NBEA: variants seen among roughly 807,000 people sequenced by gnomAD.
NBEA encodes the protein neurobeachin.
Under a neutral mutation model 343.4 loss-of-function variants are expected in NBEA, and 44 were observed. That is an observed-to-expected ratio of 0.13 (90% confidence interval 0.10 to 0.16). The LOEUF (loss-of-function observed/expected upper bound fraction) is 0.16, where lower values mean the gene tolerates loss of function less well. Ranked by LOEUF, NBEA falls within the 10% of genes least tolerant of loss-of-function variation. The pLI, the probability that NBEA is intolerant of heterozygous loss-of-function variation, is 1.00. For missense variants in NBEA, 2,555 were observed against 3,631.3 expected (o/e 0.70, Z 7.62); for synonymous variants, 1,175 against 1,238.7 (o/e 0.95, Z 1.08).
intron 31 of NBEA, 92 bp downstream of exon 31, chr13:35,196,394 T>TTTA: frequency 8.4e-7 from 1 of 1,189,952 alleles, no homozygotes; most frequent in Non-Finnish European, 1.1e-6. Context: ...TCTTGAAAAC[T>TTTA]TTATTAACGT....
intron 39 of NBEA, among the ~76,000 whole-genome samples, chr13:35,447,870 G>A (rs2046126867): frequency 6.6e-6 from 1 of 152,094 alleles, no homozygotes; most frequent in Admixed American, 6.6e-5. Flanking sequence ...TTGATTTGTT[G>A]GGTGTTAAAC....
chr13:35,013,585 C>T (rs187754050), intron 1 of NBEA, among the ~76,000 whole-genome samples: 1 of 151,974 alleles, frequency 6.6e-6, no homozygotes, highest in African/African-American at 2.4e-5. Flanking sequence ...ATTCTCCTGC[C>T]TCTGCCTCCC....
chr13:35,535,355 GACAGAACACGCAAA>G (rs2153001102), intron 41 of NBEA, among the ~76,000 whole-genome samples: 1 of 152,266 alleles, frequency 6.6e-6, no homozygotes, highest in South Asian at 2.1e-4. Context: ...AAATGCAGAA[GACAGAACACGCAAA>G]ACCGTTTAGT....
intron 10 of NBEA, among the ~76,000 whole-genome samples, chr13:35,078,421 G>C: frequency 6.6e-6 from 1 of 152,134 alleles, no homozygotes; most frequent in South Asian, 2.1e-4. Context: ...GATTAGCTGT[G>C]ATATGGAATA....
At chr13:35,604,435 G>A (rs916736510) in intron 47 of NBEA, among the ~76,000 whole-genome samples, 7 of 151,780 alleles carry the variant, frequency 4.6e-5, no homozygotes, top group African/African-American at 1.7e-4. Flanking sequence ...TAGCTCTGTT[G>A]TAGATTTCCC....
chr13:35,405,068 A>G (rs2043204948), intron 38 of NBEA, among the ~76,000 whole-genome samples: 1 of 152,182 alleles, frequency 6.6e-6, no homozygotes, highest in African/African-American at 2.4e-5. Context: ...TTACTTCAAT[A>G]TTTCTGTCAT....
chr13:35,211,625 G>A (rs2073779046), intron 33 of NBEA, among the ~76,000 whole-genome samples: 4 of 152,158 alleles, frequency 2.6e-5, no homozygotes, highest in Admixed American at 2.0e-4. Context: ...GACCAGCCTG[G>A]AAAACATGGT....
intron 34 of NBEA, among the ~76,000 whole-genome samples, chr13:35,289,414 A>G (rs764202801): frequency 8.6e-5 from 13 of 151,898 alleles, no homozygotes; most frequent in Non-Finnish European, 1.6e-4. Context: ...TAAATTACCA[A>G]ACATCATAAT....
intron 41 of NBEA, among the ~76,000 whole-genome samples, chr13:35,544,286 C>T (rs1444175291): frequency 2.6e-5 from 4 of 151,842 alleles, no homozygotes; most frequent in Middle Eastern, 6.8e-3. Context: ...AGATTTTTTT[C>T]GTATTCAAAG....
At chr13:35,356,069 G>A (rs1382059380) in intron 38 of NBEA, among the ~76,000 whole-genome samples, 1 of 151,924 alleles carries the variant, frequency 6.6e-6, no homozygotes, top group Non-Finnish European at 1.5e-5. Flanking sequence ...TGCATAGTAG[G>A]TACCAAAAAA....
intron 38 of NBEA, among the ~76,000 whole-genome samples, chr13:35,412,800 C>T (rs951303939): frequency 4.1e-4 from 63 of 152,050 alleles, no homozygotes; most frequent in African/African-American, 1.4e-3. Flanking sequence ...CAGTTAGAAG[C>T]GGTGCAGCAT....
At position 35,482,625 on chromosome 13, in the gene NBEA, A is replaced by T. The variant is rs1168966547; in HGVS notation, c.6585+10089A>T. The stretch of plus-strand genomic sequence containing the variant: ...GTAAGATGTAGTGGTGTTCCTGATT[A>T]AAAAAAAAAAAGTGGGAACCTAGTG... On this transcript the variant is annotated intron_variant, in intron 41 of 58. Coordinates refer to ENST00000379939, the MANE Select transcript of NBEA (RefSeq NM_001385012.1). Among the ~76,000 whole-genome samples, 7 of 144,514 alleles carry T rather than the reference A, an allele frequency of 4.8e-5. No individual in the cohort carries two copies. In the East Asian group the frequency reaches 6.0e-4, roughly 12 times the overall value. 94.8% of individuals were successfully genotyped at this position (144,514 alleles called of 152,430 possible).
At chr13:35,080,268 TGAG>T (rs1290168400) in intron 10 of NBEA, among the ~76,000 whole-genome samples, 2 of 152,198 alleles carry the variant, frequency 1.3e-5, no homozygotes, top group Non-Finnish European at 2.9e-5. Context: ...TTGATATCAT[TGAG>T]GATCTCTCCC....
intron 1 of NBEA, among the ~76,000 whole-genome samples, chr13:35,029,105 ACAATTTTCT>A (rs2062112804): frequency 6.6e-6 from 1 of 151,338 alleles, no homozygotes; most frequent in South Asian, 2.1e-4. Context: ...TGGTGAGAGG[ACAATTTTCT>A]CAGAAACTTT....
intron 17 of NBEA, among the ~76,000 whole-genome samples, chr13:35,137,277 C>T (rs983437335): frequency 4.6e-5 from 7 of 152,030 alleles, no homozygotes; most frequent in East Asian, 1.9e-4. Flanking sequence ...GGTGAAACCC[C>T]GTCTCTACTA....
chr13:35,194,553 G>A (rs982751388), intron 30 of NBEA, among the ~76,000 whole-genome samples: 1 of 152,052 alleles, frequency 6.6e-6, no homozygotes, highest in Non-Finnish European at 1.5e-5. Context: ...GCAAGTTTAA[G>A]CAATACAAAT....
chr13:35,031,705 G>A (rs1242737250), intron 1 of NBEA, among the ~76,000 whole-genome samples: 9 of 151,476 alleles, frequency 5.9e-5, no homozygotes, highest in African/African-American at 1.9e-4. Context: ...GTAAACTCAT[G>A]TCATGGGGGT....
chr13:34,963,693 C>T (rs934926505), intron 1 of NBEA, among the ~76,000 whole-genome samples: 1 of 150,970 alleles, frequency 6.6e-6, no homozygotes, highest in East Asian at 2.0e-4. Flanking sequence ...TTCCATGCTT[C>T]TACTCTTTTC....
intron 36 of NBEA, among the ~76,000 whole-genome samples, chr13:35,314,494 A>G (rs1207431103): frequency 6.6e-6 from 1 of 152,126 alleles, no homozygotes; most frequent in Non-Finnish European, 1.5e-5. Flanking sequence ...CTGTTCTCCC[A>G]GTACCTCAAT....
Sources: allele counts gnomAD v4.1 joint callset (sites outside exome capture counted in the v4.1 genomes callset), GRCh38; gene constraint gnomAD v4.1.1; transcripts MANE v1.5; gene names NCBI Gene and HGNC (gene_info 2026-07-23, HGNC 2026-07-21).